Variants in TAFA2 observed in about 807,000 individuals in gnomAD.
The protein encoded by TAFA2 is chemokine-like protein TAFA-2.
A neutral mutation model predicts 18.8 loss-of-function variants in TAFA2; 7 were observed. The ratio of observed to expected loss-of-function variants is 0.37; its 90% confidence interval spans 0.21 to 0.70. TAFA2 has a LOEUF of 0.70. TAFA2 is among the 30% of genes least tolerant of loss of function. The pLI is 0.53. For synonymous variants in TAFA2, 60 were observed against 54.2 expected (o/e 1.11, Z -0.47); for missense variants, 122 against 158.1 (o/e 0.77, Z 1.23).
chr12:61,778,552 T>C (rs1870369715), intron 2 of TAFA2, among the ~76,000 whole-genome samples: 1 of 151,810 alleles, frequency 6.6e-6, no homozygotes, highest in Non-Finnish European at 1.5e-5. Flanking sequence ...TCATTTACTA[T>C]TTATTAGATG....
intron 4 of TAFA2, among the ~76,000 whole-genome samples, chr12:61,752,705 T>G (rs1026079154): frequency 2.6e-5 from 4 of 152,046 alleles, no homozygotes; most frequent in Non-Finnish European, 4.4e-5. Context: ...ATTACATATC[T>G]AGATGAGATC....
rs147718000 is a variant in TAFA2 at position 61,928,280 on chromosome 12, C to A, written c.-1-60854G>T. The stretch of plus-strand genomic sequence containing the variant: ...TATCCATCTGACAAGGGGCTGATAG[C>A]CAGAATGTACAAGGAACTTAAACAA... On this transcript the variant is annotated intron_variant, in intron 1 of 4. Coordinates refer to ENST00000416284, the MANE Select transcript of TAFA2 (RefSeq NM_178539.5). Among the ~76,000 whole-genome samples, 374 of 152,200 alleles carry A rather than the reference C, an allele frequency of 2.5e-3. 1 individual carries two copies. The highest frequency in any genetic ancestry group is 4.2e-3 in the Admixed American group (64 of 15,282).
intron 1 of TAFA2, chr12:61,879,402 TC>T: frequency 1.4e-6 from 1 of 725,046 alleles, no homozygotes. Context: ...ACACGAGTGG[TC>T]CCGGTGCCCC....
At chr12:62,130,433 T>C (rs1870635014) in intron 1 of TAFA2, among the ~76,000 whole-genome samples, 2 of 151,996 alleles carry the variant, frequency 1.3e-5, no homozygotes, top group Admixed American at 1.3e-4. Context: ...TTAGTGGATA[T>C]ATTATATTAA....
chr12:62,047,523 G>C (rs1881941010), intron 1 of TAFA2, among the ~76,000 whole-genome samples: 1 of 152,146 alleles, frequency 6.6e-6, no homozygotes, highest in African/African-American at 2.4e-5. Flanking sequence ...AATTTGGTTA[G>C]ATGCCAGGTT....
intron 1 of TAFA2, among the ~76,000 whole-genome samples, chr12:62,241,574 G>A (rs2062863212): frequency 6.6e-6 from 1 of 152,142 alleles, no homozygotes; most frequent in Non-Finnish European, 1.5e-5. Context: ...TAATTATCAG[G>A]CATGGAGATC....
chr12:62,065,043 A>T (rs778410518), intron 1 of TAFA2, among the ~76,000 whole-genome samples: 6 of 152,038 alleles, frequency 3.9e-5, no homozygotes, highest in Non-Finnish European at 8.8e-5. Context: ...ATATTACTTT[A>T]GATAGCTGTT....
intron 1 of TAFA2, among the ~76,000 whole-genome samples, chr12:62,249,065 T>A (rs12319332): frequency 0.014 from 2,078 of 149,006 alleles, 49 homozygotes; most frequent in African/African-American, 0.048. Flanking sequence ...TGTTTAAAAA[T>A]TTTTTTTTTT....
At chr12:61,893,409 A>G (rs1039834726) in intron 1 of TAFA2, among the ~76,000 whole-genome samples, 1 of 152,232 alleles carries the variant, frequency 6.6e-6, no homozygotes, top group African/African-American at 2.4e-5. Context: ...AAGGGAGAAC[A>G]AAAACTGGGT....
upstream of TAFA2, chr12:62,259,729 G>C (rs192943649): frequency 2.8e-3 from 429 of 152,730 alleles, 3 homozygotes; most frequent in Non-Finnish European, 3.8e-4. Context: ...CCGATGAACT[G>C]GGACATGTTT....
At chr12:62,205,497 A>G (rs1407563598) in intron 1 of TAFA2, among the ~76,000 whole-genome samples, 1 of 152,224 alleles carries the variant, frequency 6.6e-6, no homozygotes, top group African/African-American at 2.4e-5. Context: ...TCCCAGTGAT[A>G]TCAGAGTTCT....
At chr12:61,841,443 A>G (rs1187237463) in intron 2 of TAFA2, among the ~76,000 whole-genome samples, 1 of 152,108 alleles carries the variant, frequency 6.6e-6, no homozygotes, top group Non-Finnish European at 1.5e-5. Flanking sequence ...ACCTCTGTTA[A>G]AAATCAATAG....
chr12:61,720,899 G>A (rs775838293), intron 4 of TAFA2: 31 of 517,394 alleles, frequency 6.0e-5, no homozygotes, highest in Admixed American at 3.9e-4. Context: ...TTCTCCATTC[G>A]AACTTGAAGA....
intron 1 of TAFA2, among the ~76,000 whole-genome samples, chr12:62,213,126 C>T (rs758458035): frequency 3.3e-5 from 5 of 152,186 alleles, no homozygotes; most frequent in Non-Finnish European, 5.9e-5. Flanking sequence ...TTACACCAGG[C>T]AGCTGCTCAT....
rs1871740306 is a variant in TAFA2 at position 61,808,859 on chromosome 12, CA to C, written c.107-53836del. ...TTAAATGCAGGCACAAATGAATTAA[CA>C]ACTATATCAAATCTGTTACTAATTG... On this transcript the variant is annotated intron_variant, in intron 2 of 4. Transcript: ENST00000416284. Among the ~76,000 whole-genome samples, 4 of 151,512 alleles carry C rather than the reference CA, an allele frequency of 2.6e-5. No homozygotes were observed. In the South Asian group the frequency reaches 8.3e-4, roughly 31 times the overall value.
At chr12:61,799,972 C>T (rs1871341125) in intron 2 of TAFA2, among the ~76,000 whole-genome samples, 1 of 152,100 alleles carries the variant, frequency 6.6e-6, no homozygotes, top group Non-Finnish European at 1.5e-5. Context: ...ATTAATCCTC[C>T]CATTTCTTTG....
intron 1 of TAFA2, among the ~76,000 whole-genome samples, chr12:62,147,346 A>G (rs202197025): frequency 1.1e-4 from 10 of 92,978 alleles, no homozygotes; most frequent in African/African-American, 2.6e-4. Flanking sequence ...ATATATATAT[A>G]TATATATATA....
chr12:61,818,133 C>A (rs1242338103), intron 2 of TAFA2, among the ~76,000 whole-genome samples: 2 of 152,188 alleles, frequency 1.3e-5, no homozygotes, highest in Non-Finnish European at 2.9e-5. Context: ...CGACTTGGAT[C>A]ATTTTTCTAA....
chr12:61,906,836 G>A (rs566921929), intron 1 of TAFA2, among the ~76,000 whole-genome samples: 18 of 152,324 alleles, frequency 1.2e-4, no homozygotes, highest in African/African-American at 3.4e-4. Context: ...TGCTTGCTAC[G>A]CTTTAGCAAA....
Sources: allele counts gnomAD v4.1 joint callset (sites outside exome capture counted in the v4.1 genomes callset), GRCh38; gene constraint gnomAD v4.1.1; transcripts MANE v1.5; gene names NCBI Gene and HGNC (gene_info 2026-07-23, HGNC 2026-07-21).